VPS13A: variants seen among roughly 807,000 people sequenced by gnomAD.
VPS13A encodes the protein vacuolar protein sorting 13 homolog A, also known as intermembrane lipid transfer protein VPS13A.
A neutral mutation model predicts 390.9 loss-of-function variants in VPS13A; 264 were observed. The ratio of observed to expected loss-of-function variants is 0.68; its 90% CI spans 0.61 to 0.75. VPS13A has a LOEUF of 0.75. VPS13A is among the 30% of genes least tolerant of loss of function. The pLI, the probability that VPS13A is intolerant of heterozygous loss-of-function variation, is 0.00. For missense variants in VPS13A, 3,409 were observed against 3,733.9 expected (o/e 0.91, Z 2.27); for synonymous variants, 1,231 against 1,227.1 (o/e 1.00, Z -0.07).
At chr9:77,407,093 G>A (rs1834650896) in intron 70 of VPS13A, among the ~76,000 whole-genome samples, 1 of 152,084 alleles carries the variant, frequency 6.6e-6, no homozygotes, top group African/African-American at 2.4e-5. Flanking sequence ...ACGCACACAT[G>A]CACATACAAT....
chr9:77,397,196 G>A (rs1409380012), intron 68 of VPS13A, among the ~76,000 whole-genome samples: 2 of 151,974 alleles, frequency 1.3e-5, no homozygotes. Flanking sequence ...TCACCGTGTT[G>A]GCCAGGCTGG....
chr9:77,375,898 G>A (rs1833040276), intron 67 of VPS13A, among the ~76,000 whole-genome samples: 1 of 152,088 alleles, frequency 6.6e-6, no homozygotes, highest in South Asian at 2.1e-4. Flanking sequence ...ACATTCTAGT[G>A]GGAGAGTAAT....
rs1311799859 is a variant in VPS13A, at chr9:77,321,846, G to T, written c.5830+100G>T. 3.7e-6 allele frequency: 5 copies of T among 1,359,570 alleles called. No homozygotes were observed. The South Asian group carries it at 4.1e-5, about 11-fold the overall frequency. 84.2% of individuals were successfully genotyped at this position (1,359,570 alleles called of 1,614,324 possible). The stretch of plus-strand genomic sequence containing the variant: ...GTAGAATCTTAGCAAGGTTTTTTTT[G>T]TTTTTGTTTTTGTTTTTTTAAAATA... On this transcript the variant is annotated intron_variant, in intron 44 of 71. Coordinates refer to ENST00000360280, the MANE Select transcript of VPS13A (RefSeq NM_033305.3).
At chr9:77,233,360 TTTTTTTCATTCTC>T in intron 17 of VPS13A, among the ~76,000 whole-genome samples, 1 of 152,100 alleles carries the variant, frequency 6.6e-6, no homozygotes, top group Non-Finnish European at 1.5e-5. Context: ...CAACTTTGAT[TTTTTTTCATTCTC>T]TCTGGTGTTT....
Position 77,177,594 on chromosome 9 carries a change from TGAAGCCGCCCCG to T in VPS13A, c.-108_-97del. 9.8e-7 allele frequency: 1 copy of T among 1,023,458 alleles called. No homozygotes were observed. The allele number at this position is 1,023,458 out of a possible 1,614,324, so 63.4% of individuals were successfully genotyped here. A position where few individuals can be genotyped will look rare whatever the true frequency, so the allele number is the denominator to read the frequency against. On this transcript the variant is annotated 5_prime_UTR_variant, in exon 1 of 72. Coordinates refer to ENST00000360280, the MANE Select transcript of VPS13A (RefSeq NM_033305.3). Reference sequence around the variant, plus strand: ...GTTGGGCCAGCGGGGGCGCCGCAGCTGAAGCCGCCCCGGAGCCGGTGAACCGAATTACCTCGA... The same window carrying T: ...GTTGGGCCAGCGGGGGCGCCGCAGCTGAGCCGGTGAACCGAATTACCTCGA...
At chr9:77,407,452 G>GTAAT in intron 70 of VPS13A, 81 bp from the exon 71 acceptor site, 1 of 1,162,540 alleles carries the variant, frequency 8.6e-7, no homozygotes, top group South Asian at 1.2e-5. Context: ...TAGGCATACA[G>GTAAT]TAATAAAGCT....
chr9:77,239,263 A>G (rs1295762633), intron 19 of VPS13A, among the ~76,000 whole-genome samples: 1 of 152,094 alleles, frequency 6.6e-6, no homozygotes, highest in Non-Finnish European at 1.5e-5. Context: ...GGATCACCTG[A>G]GGTCAGAGTT....
chr9:77,248,705 A>T (rs188365186), intron 20 of VPS13A, among the ~76,000 whole-genome samples: 1 of 152,224 alleles, frequency 6.6e-6, no homozygotes. Flanking sequence ...AGAGTTTAAT[A>T]GTCAGAAGTG....
rs1587673775 is a variant in VPS13A, at chr9:77,369,391, A to G, written c.8646A>G (p.Ala2882=). 2.5e-6 allele frequency: 4 copies of G among 1,610,128 alleles called. No homozygotes were observed. The highest frequency in any genetic ancestry group is 1.3e-5 in the African/African-American group (1 of 74,952). Residue 2882 remains alanine (A), a synonymous_variant, in exon 63 of 72, where the codon GCA becomes GCG. Transcript: ENST00000360280. ...GAGAATTTTCTGAAGGTGTAGAAGC[A>G]TTTTTTTATGAACCTTACCAGGTAA... ...LIREFSEGVE[A]FFYEPYQGAI... is the part of the protein sequence containing the mutation.
intron 34 of VPS13A, among the ~76,000 whole-genome samples, chr9:77,304,455 G>A (rs1488262807): frequency 6.6e-6 from 1 of 152,054 alleles, no homozygotes; most frequent in Non-Finnish European, 1.5e-5. Context: ...TCCCTACAAT[G>A]AAGGACACAA....
At chr9:77,224,638 GCTT>G (rs909198336) in intron 13 of VPS13A, among the ~76,000 whole-genome samples, 4 of 152,198 alleles carry the variant, frequency 2.6e-5, no homozygotes, top group African/African-American at 9.7e-5. Context: ...ATGAGGAGCT[GCTT>G]CTTATAGAAG....
At chr9:77,216,342 T>C (rs1327248795) in intron 10 of VPS13A, among the ~76,000 whole-genome samples, 2 of 152,128 alleles carry the variant, frequency 1.3e-5, no homozygotes, top group African/African-American at 4.8e-5. Flanking sequence ...GGTTTCTTTT[T>C]GTTTGTGTTT....
intron 52 of VPS13A, among the ~76,000 whole-genome samples, chr9:77,348,645 A>G (rs1407733919): frequency 5.3e-5 from 8 of 152,170 alleles, no homozygotes; most frequent in Admixed American, 1.3e-4. Context: ...GAAAAATGCC[A>G]TTCTATGTGA....
intron 68 of VPS13A, among the ~76,000 whole-genome samples, chr9:77,397,724 G>A (rs745885322): frequency 5.3e-5 from 8 of 151,992 alleles, no homozygotes; most frequent in Non-Finnish European, 1.0e-4. Context: ...TATGGTTTAT[G>A]TACTCATCTT....
intron 46 of VPS13A, among the ~76,000 whole-genome samples, chr9:77,333,213 T>C (rs1242230051): frequency 6.6e-6 from 1 of 152,178 alleles, no homozygotes; most frequent in African/African-American, 2.4e-5. Flanking sequence ...TTTAATACAT[T>C]TCTGCTATAT....
At chr9:77,351,240 A>T in intron 52 of VPS13A, 77 bp from the exon 53 acceptor site, 1 of 1,551,956 alleles carries the variant, frequency 6.4e-7, no homozygotes, top group Non-Finnish European at 8.8e-7. Context: ...AGAATTAATG[A>T]AGTATTATTT....
intron 10 of VPS13A, among the ~76,000 whole-genome samples, chr9:77,216,210 A>G (rs1822855412): frequency 6.6e-6 from 1 of 152,212 alleles, no homozygotes; most frequent in South Asian, 2.1e-4. Flanking sequence ...CTGCCTTCAA[A>G]GGAAACATAT....
In VPS13A at chr9:77,319,674, G is replaced by T; in HGVS notation, c.5415+1G>T. On this transcript the variant is annotated splice_donor_variant, in intron 42 of 71. Coordinates refer to ENST00000360280, the MANE Select transcript of VPS13A (RefSeq NM_033305.3). LOFTEE classifies it high-confidence loss of function. ...TAGACCATGGAATCTTGGTATCAAG[G>T]TATATCTATATATGTCTATGTGTGT... 1 of 1,530,338 alleles carries T rather than the reference G, an allele frequency of 6.5e-7. No homozygotes were observed. Among genetic ancestry groups the T allele is most frequent in the Non-Finnish European group, 9.0e-7 (1 of 1,106,274 alleles). The allele number at this position is 1,530,338 out of a possible 1,614,324, so 94.8% of individuals were successfully genotyped here.
chr9:77,267,421 C>T lies in VPS13A; in HGVS notation c.2428-5859C>T, dbSNP rs529029412. On this transcript the variant is annotated intron_variant, in intron 23 of 71. Coordinates refer to ENST00000360280, the MANE Select transcript of VPS13A (RefSeq NM_033305.3). ...TTAGTTTTCCTTCTAACAGTCAGAC[C>T]CCTTTGCTGCAGGTCTGCTGGAGTT... Among the ~76,000 whole-genome samples, 6 of 152,306 alleles carry T rather than the reference C, an allele frequency of 3.9e-5. No individual in the cohort carries two copies. In the East Asian group the frequency reaches 1.2e-3, roughly 29 times the overall value.
Sources: gnomAD v4.1 joint callset for allele counts (sites outside exome capture counted in the v4.1 genomes callset) on GRCh38, gnomAD v4.1.1 for gene constraint, MANE v1.5 for transcripts, NCBI Gene and HGNC (gene_info 2026-07-23, HGNC 2026-07-21) for gene names.